The following TRPC4 variants were observed in gnomAD, a reference collection of about 807,000 sequenced individuals.
TRPC4 encodes the protein short transient receptor potential channel 4.
TRPC4 carries 49 observed loss-of-function variants against 99.4 expected under a neutral mutation model. The observed-to-expected ratio is 0.49, with a 90% CI of 0.39 to 0.63. TRPC4 has a LOEUF of 0.63. TRPC4 is among the 20% of genes least tolerant of loss of function. TRPC4 has a pLI of 0.00. For missense variants in TRPC4, 898 were observed against 1,152.9 expected (o/e 0.78, Z 3.20); for synonymous variants, 454 against 425.9 (o/e 1.07, Z -0.81).
chr13:37,725,903 T>C (rs968540520), intron 3 of TRPC4, among the ~76,000 whole-genome samples: 1 of 152,072 alleles, frequency 6.6e-6, no homozygotes, highest in Non-Finnish European at 1.5e-5. Context: ...AGTGAGTATG[T>C]AGATAACTAA....
chr13:37,788,100 G>C (rs1004957815), intron 1 of TRPC4, among the ~76,000 whole-genome samples: 1 of 151,996 alleles, frequency 6.6e-6, no homozygotes, highest in Non-Finnish European at 1.5e-5. Flanking sequence ...TAGAAAATAC[G>C]CATCAATCTA....
In TRPC4 at chr13:37,663,678, C is replaced by G; in HGVS notation, c.1426G>C (p.Val476Leu). The change falls in exon 6 of 11, where the codon GTG becomes CTG. Residue 476 changes from valine to leucine, a missense_variant. Around this residue, in one of 3 missense-constraint regions of TRPC4, gnomAD observed 274 missense variants for 454.9 expected, o/e 0.60. Transcript: ENST00000379705. ...GCAATAGCAAATAAAGCCTCTGCCA[C>G]CAGAGTGGGATGCCACATGTCCCAT... is the stretch of plus-strand genomic sequence containing the variant. Reference protein sequence around the residue: ...ESWDMWHPTLVAEALFAIANI... With the variant: ...ESWDMWHPTLLAEALFAIANI... 1.2e-6 allele frequency: 2 copies of G among 1,614,040 alleles called. No homozygotes were observed. Among genetic ancestry groups the G allele is most frequent in the African/African-American group, 2.7e-5 (2 of 74,990 alleles).
chr13:37,693,144 C>CT (rs1281104774), intron 3 of TRPC4, among the ~76,000 whole-genome samples: 1 of 151,980 alleles, frequency 6.6e-6, no homozygotes, highest in Non-Finnish European at 1.5e-5. Context: ...CTCAATATCT[C>CT]TTTTTTTCTC....
intron 1 of TRPC4, among the ~76,000 whole-genome samples, chr13:37,834,244 A>G (rs535596530): frequency 5.3e-5 from 8 of 152,296 alleles, no homozygotes; most frequent in African/African-American, 1.9e-4. Context: ...AAAACATTTA[A>G]TTTTTTCACT....
chr13:37,834,898 C>A (rs1051114658), intron 1 of TRPC4, among the ~76,000 whole-genome samples: 1 of 152,068 alleles, frequency 6.6e-6, no homozygotes, highest in Non-Finnish European at 1.5e-5. Context: ...CCATGCCTGG[C>A]TAACTTTTGT....
intron 1 of TRPC4, among the ~76,000 whole-genome samples, chr13:37,848,577 A>C (rs561416422): frequency 6.6e-6 from 1 of 152,278 alleles, no homozygotes; most frequent in East Asian, 1.9e-4. Flanking sequence ...TCCACTGAGA[A>C]GACCAGAATC....
At chr13:37,662,841 C>G (rs1166520955) in intron 6 of TRPC4, among the ~76,000 whole-genome samples, 1 of 152,188 alleles carries the variant, frequency 6.6e-6, no homozygotes, top group Non-Finnish European at 1.5e-5. Context: ...ACTGAGAGAG[C>G]TGACAATAGA....
At chr13:37,808,912 C>T (rs1217100178) in intron 1 of TRPC4, among the ~76,000 whole-genome samples, 1 of 152,022 alleles carries the variant, frequency 6.6e-6, no homozygotes, top group Non-Finnish European at 1.5e-5. Context: ...CCTGAAACCG[C>T]CATCTAAGTG....
intron 3 of TRPC4, among the ~76,000 whole-genome samples, chr13:37,706,331 G>C (rs540139879): frequency 2.0e-5 from 3 of 152,228 alleles, no homozygotes; most frequent in African/African-American, 7.2e-5. Context: ...CCTATTTCTA[G>C]AAGTTACACA....
At chr13:37,645,252 G>A (rs1951835039) in intron 8 of TRPC4, among the ~76,000 whole-genome samples, 1 of 152,134 alleles carries the variant, frequency 6.6e-6, no homozygotes, top group South Asian at 2.1e-4. Context: ...ATGTTAAAGA[G>A]AAAGACCATC....
chr13:37,847,476 A>T (rs2323569), intron 1 of TRPC4, among the ~76,000 whole-genome samples: 38,547 of 151,900 alleles, frequency 0.25, 5,395 homozygotes, highest in East Asian at 0.43. Context: ...AAGGAAATTT[A>T]AAAATACCTT....
chr13:37,853,674 C>A (rs1959112691), intron 1 of TRPC4, among the ~76,000 whole-genome samples: 1 of 151,948 alleles, frequency 6.6e-6, no homozygotes, highest in Non-Finnish European at 1.5e-5. Context: ...AAAGAAATTG[C>A]AGATAACACA....
At chr13:37,809,066 T>C (rs1232531368) in intron 1 of TRPC4, among the ~76,000 whole-genome samples, 4 of 152,090 alleles carry the variant, frequency 2.6e-5, no homozygotes. Context: ...TGCAACTAAA[T>C]AAATATAATA....
chr13:37,727,991 A>G (rs774548978), intron 3 of TRPC4, among the ~76,000 whole-genome samples: 20 of 152,098 alleles, frequency 1.3e-4, no homozygotes, highest in Admixed American at 1.3e-4. Flanking sequence ...AAAATTCAAT[A>G]CCCTTTCATG....
intron 2 of TRPC4, among the ~76,000 whole-genome samples, chr13:37,780,168 C>T (rs1566165413): frequency 6.6e-6 from 1 of 151,986 alleles, no homozygotes; most frequent in Non-Finnish European, 1.5e-5. Flanking sequence ...TCTCACAGCT[C>T]CCATGACCTG....
At position 37,807,545 on chromosome 13, in the gene TRPC4, C is replaced by T. The variant is rs138577158; in HGVS notation, c.-27-24185G>A. Among the ~76,000 whole-genome samples the T allele has an allele frequency of 1.2e-4, 19 of 152,088 alleles. No individual in the cohort carries two copies. The East Asian group carries it at 1.7e-3, about 14-fold the overall frequency. On this transcript the variant is annotated intron_variant, in intron 1 of 10. Transcript: ENST00000379705. ...TATCTTTTTAACAGAAATAAATCAG[C>T]AGTATGAAACATTACAAACTCGTTG...
At chr13:37,797,565 G>T (rs1957291231) in intron 1 of TRPC4, among the ~76,000 whole-genome samples, 1 of 152,050 alleles carries the variant, frequency 6.6e-6, no homozygotes, top group Non-Finnish European at 1.5e-5. Flanking sequence ...CTTTCCTTTT[G>T]TCTTGAACTT....
At chr13:37,820,459 AC>A (rs1957980419) in intron 1 of TRPC4, among the ~76,000 whole-genome samples, 1 of 152,040 alleles carries the variant, frequency 6.6e-6, no homozygotes, top group African/African-American at 2.4e-5. Context: ...TCCTCCTGAC[AC>A]CCAAACCTTA....
intron 1 of TRPC4, among the ~76,000 whole-genome samples, chr13:37,862,342 C>T (rs1224701634): frequency 6.6e-6 from 1 of 151,560 alleles, no homozygotes; most frequent in Non-Finnish European, 1.5e-5. Flanking sequence ...TCTTACAATA[C>T]ATAGCCTGTG....
Sources: gnomAD v4.1 joint callset for allele counts (sites outside exome capture counted in the v4.1 genomes callset) on GRCh38, gnomAD v4.1.1 for gene constraint, gnomAD v4.1.1 regional missense constraint, MANE v1.5 for transcripts, NCBI Gene and HGNC (gene_info 2026-07-23, HGNC 2026-07-21) for gene names.